The following DLGAP2 variants were observed in gnomAD, a reference collection of about 807,000 sequenced individuals.
DLGAP2 encodes disks large-associated protein 2.
DLGAP2 carries 26 observed loss-of-function variants against 100.3 expected under a neutral mutation model. The ratio of observed to expected loss-of-function variants is 0.26; its 90% CI spans 0.19 to 0.36. DLGAP2 has a LOEUF of 0.36. Ranked by LOEUF, DLGAP2 falls within the 10% of genes least tolerant of loss-of-function variation. The pLI is 1.00. For missense variants in DLGAP2, 1,858 were observed against 1,453.2 expected, an observed-to-expected ratio of 1.28 and a Z score of -4.53; for synonymous variants, 886 against 630.1, an observed-to-expected ratio of 1.41 and a Z score of -6.08.
At chr8:1,319,526 G>T (rs1230737943) in intron 3 of DLGAP2, among the ~76,000 whole-genome samples, 2 of 152,146 alleles carry the variant, frequency 1.3e-5, no homozygotes, top group East Asian at 1.9e-4. Flanking sequence ...GTTCATTATG[G>T]GAATACAGCA....
At chr8:1,572,652 A>AAGT (rs1802776963) in intron 6 of DLGAP2, among the ~76,000 whole-genome samples, 1 of 101,140 alleles carries the variant, frequency 9.9e-6, no homozygotes, top group Admixed American at 1.1e-4. Flanking sequence ...AGAGAGGGTG[A>AAGT]ACTGGAGGGG....
intron 1 of DLGAP2, among the ~76,000 whole-genome samples, chr8:766,204 A>G (rs1425780726): frequency 6.6e-6 from 1 of 152,120 alleles, no homozygotes; most frequent in Non-Finnish European, 1.5e-5. Flanking sequence ...CAATCCACAC[A>G]ACTCACATAC....
intron 2 of DLGAP2, among the ~76,000 whole-genome samples, chr8:1,196,039 G>T (rs188313506): frequency 6.6e-6 from 1 of 152,200 alleles, no homozygotes; most frequent in Non-Finnish European, 1.5e-5. Flanking sequence ...TAGCCATGAC[G>T]TAGAGAAAAA....
chr8:898,573 G>A (rs746787269), intron 1 of DLGAP2, among the ~76,000 whole-genome samples: 1 of 152,158 alleles, frequency 6.6e-6, no homozygotes, highest in Non-Finnish European at 1.5e-5. Context: ...TGGAGAAGCC[G>A]CAGGTTTGGA....
In DLGAP2 at chr8:1,521,403, C is replaced by G. The variant is rs191805026; in HGVS notation, c.172+19972C>G. On this transcript the variant is annotated intron_variant, in intron 4 of 14. Coordinates refer to ENST00000637795, the MANE Select transcript of DLGAP2 (RefSeq NM_001346810.2). Reference sequence around the variant, plus strand: ...CTCGGGGGCAGGTGATATGGAGCGTCTCTGGTTTGCACACTTGTTTTAATT... The same window carrying G: ...CTCGGGGGCAGGTGATATGGAGCGTGTCTGGTTTGCACACTTGTTTTAATT... 1.8e-3 allele frequency among the ~76,000 whole-genome samples: 103 copies of G among 55,840 alleles called. 19 individuals carry two copies. The highest frequency in any genetic ancestry group is 5.8e-3 in the African/African-American group (102 of 17,464). 36.6% of individuals were successfully genotyped at this position (55,840 alleles called of 152,430 possible). A position where few individuals can be genotyped will look rare whatever the true frequency, so the allele number is the denominator to read the frequency against.
At chr8:1,177,134 C>T (rs546227858) in intron 2 of DLGAP2, among the ~76,000 whole-genome samples, 10 of 152,280 alleles carry the variant, frequency 6.6e-5, no homozygotes, top group Admixed American at 5.9e-4. Context: ...TCCCAGCCTT[C>T]GAGTGGACGC....
chr8:1,441,254 A>G (rs940490949), intron 3 of DLGAP2, among the ~76,000 whole-genome samples: 1 of 152,206 alleles, frequency 6.6e-6, no homozygotes, highest in Non-Finnish European at 1.5e-5. Context: ...AATTATGTAT[A>G]TACTGCTTAT....
intron 4 of DLGAP2, among the ~76,000 whole-genome samples, chr8:1,510,994 G>T (rs143046990): frequency 1.1e-4 from 16 of 152,242 alleles, no homozygotes; most frequent in Non-Finnish European, 2.2e-4. Flanking sequence ...AGATAAATCT[G>T]TGAGAATGTT....
intron 3 of DLGAP2, among the ~76,000 whole-genome samples, chr8:1,426,872 G>C (rs1413330981): frequency 6.6e-6 from 1 of 150,946 alleles, no homozygotes; most frequent in Non-Finnish European, 1.5e-5. Flanking sequence ...CTACCTGAAA[G>C]ATTACTCCAA....
At chr8:1,379,571 C>G (rs556689152) in intron 3 of DLGAP2, 2 of 152,222 alleles carry the variant, frequency 1.3e-5, no homozygotes, top group Non-Finnish European at 2.9e-5. Flanking sequence ...TTGTAAGAAC[C>G]GTAACCGCTG....
chr8:1,458,050 A>G (rs1484617811), intron 3 of DLGAP2, among the ~76,000 whole-genome samples: 1 of 145,838 alleles, frequency 6.9e-6, no homozygotes, highest in African/African-American at 2.5e-5. Context: ...TTATATATAT[A>G]TATATGTATA....
At chr8:789,194 A>G (rs1332342773) in intron 1 of DLGAP2, among the ~76,000 whole-genome samples, 2 of 152,196 alleles carry the variant, frequency 1.3e-5, no homozygotes, top group Non-Finnish European at 2.9e-5. Flanking sequence ...TCTGCTATAA[A>G]GAAATAGGTG....
chr8:1,576,520 G>A (rs1802985157), intron 6 of DLGAP2, among the ~76,000 whole-genome samples: 2 of 152,158 alleles, frequency 1.3e-5, no homozygotes. Flanking sequence ...TGCTTTTGGT[G>A]TTCTACACAT....
chr8:1,258,631 A>G, intron 2 of DLGAP2, among the ~76,000 whole-genome samples: 1 of 152,182 alleles, frequency 6.6e-6, no homozygotes, highest in South Asian at 2.1e-4. Flanking sequence ...AAAAGTAAAA[A>G]TGTCATCTGT....
chr8:1,108,703 G>A (rs1230155357), intron 2 of DLGAP2, among the ~76,000 whole-genome samples: 2 of 146,544 alleles, frequency 1.4e-5, no homozygotes, highest in Non-Finnish European at 3.0e-5. Flanking sequence ...ATGGGTCTGT[G>A]AGGTGTGCAC....
intron 2 of DLGAP2, among the ~76,000 whole-genome samples, chr8:1,241,154 A>G (rs62487815): frequency 0.97 from 127,793 of 131,968 alleles, 61,898 homozygotes; most frequent in Middle Eastern, 0.98. Flanking sequence ...ACGTGGTGCC[A>G]TGTCTAGTTC....
chr8:1,128,989 C>A (rs753736252), intron 2 of DLGAP2, among the ~76,000 whole-genome samples: 1 of 152,188 alleles, frequency 6.6e-6, no homozygotes, highest in Non-Finnish European at 1.5e-5. Context: ...CAGGAACTTA[C>A]AATTCTTTGC....
At chr8:1,159,937 G>A (rs1032043430) in intron 2 of DLGAP2, among the ~76,000 whole-genome samples, 1 of 152,112 alleles carries the variant, frequency 6.6e-6, no homozygotes, top group Non-Finnish European at 1.5e-5. Context: ...TGTGAGATTA[G>A]AACAAAATTT....
intron 2 of DLGAP2, among the ~76,000 whole-genome samples, chr8:1,131,842 C>G (rs980219882): frequency 6.6e-6 from 1 of 152,158 alleles, no homozygotes; most frequent in Non-Finnish European, 1.5e-5. Flanking sequence ...ATTTTTTCCT[C>G]CTTGGAAATG....
Sources: allele counts gnomAD v4.1 joint callset (sites outside exome capture counted in the v4.1 genomes callset), GRCh38; gene constraint gnomAD v4.1.1; transcripts MANE v1.5; gene names NCBI Gene and HGNC (gene_info 2026-07-23, HGNC 2026-07-21).